GLP1R: variants seen among roughly 807,000 people sequenced by gnomAD.
GLP1R encodes the protein glucagon-like peptide 1 receptor.
In GLP1R, 32 loss-of-function variants were observed where a neutral mutation model predicts 68.4. The observed-to-expected ratio is 0.47, with a 90% CI of 0.35 to 0.63. GLP1R has a LOEUF of 0.63. Ranked by LOEUF, GLP1R falls within the 20% of genes least tolerant of loss-of-function variation. The pLI, the probability that GLP1R is intolerant of heterozygous loss-of-function variation, is 0.00. For synonymous variants in GLP1R, 263 were observed against 244.4 expected (o/e 1.08, Z -0.71); for missense variants, 502 against 594.9 (o/e 0.84, Z 1.62).
At chr6:39,054,638 G>T (rs964771966) in intron 1 of GLP1R, among the ~76,000 whole-genome samples, 2 of 152,324 alleles carry the variant, frequency 1.3e-5, no homozygotes, top group African/African-American at 4.8e-5. Flanking sequence ...CCTCTGGGAA[G>T]AACTGGCTTC....
chr6:39,059,329 G>A (rs1005939910), intron 3 of GLP1R, among the ~76,000 whole-genome samples: 3 of 152,244 alleles, frequency 2.0e-5, no homozygotes, highest in African/African-American at 7.2e-5. Context: ...CCATTAGTGG[G>A]CGACCCAGAA....
At chr6:39,073,911 C>A in intron 7 of GLP1R, 142 bp downstream of exon 7, 1 of 691,088 alleles carries the variant, frequency 1.4e-6, no homozygotes, top group Non-Finnish European at 2.5e-6. Flanking sequence ...ACAGGACCTT[C>A]TGCCCCGGTG....
chr6:39,079,746 G>A lies in GLP1R; in HGVS notation c.1182+44G>A, dbSNP rs140562549. ...ACACTTGCTTGTAAAGTCCTAGAGT[G>A]GGGGTGGGACAGACACCAGCCTGCA... On this transcript the variant is annotated intron_variant, in intron 11 of 12. Coordinates refer to ENST00000373256, the MANE Select transcript of GLP1R (RefSeq NM_002062.5). This position sits in a 1 kb window ranked among gnomAD's most constrained non-coding sequence, Gnocchi z 4.5. 1.9e-6 allele frequency: 3 copies of A among 1,562,984 alleles called. No individual in the cohort carries two copies. The highest frequency in any genetic ancestry group is 2.7e-5 in the African/African-American group (2 of 73,826).
rs199778900 is a variant in GLP1R at position 39,048,803 on chromosome 6, G to T, written c.-38G>T. On this transcript the variant is annotated 5_prime_UTR_variant, in exon 1 of 13. Transcript: ENST00000373256. ...GGGATCAGTCTCCGCACGCGGTTCC[G>T]CAGGTGGCAGCGATGGCCCAGTCCT... 3.0e-6 allele frequency: 3 copies of T among 1,013,128 alleles called. No homozygotes were observed. The highest frequency in any genetic ancestry group is 4.4e-6 in the Non-Finnish European group (3 of 686,128). The allele number at this position is 1,013,128 out of a possible 1,614,324, so 62.8% of individuals were successfully genotyped here. A position where few individuals can be genotyped will look rare whatever the true frequency, so the allele number is the denominator to read the frequency against.
intron 3 of GLP1R, among the ~76,000 whole-genome samples, chr6:39,063,683 C>T (rs1474773229): frequency 6.6e-6 from 1 of 152,082 alleles, no homozygotes; most frequent in East Asian, 1.9e-4. Flanking sequence ...AGCAGGGAGG[C>T]TGTCCTGGTG....
intron 6 of GLP1R, 24 bp from the exon 7 acceptor site, chr6:39,073,586 A>G: frequency 6.2e-7 from 1 of 1,610,534 alleles, no homozygotes; most frequent in Non-Finnish European, 8.5e-7. Context: ...TGTTGTCCCC[A>G]TGACACCCTT....
intron 5 of GLP1R, among the ~76,000 whole-genome samples, chr6:39,068,688 T>G (rs946634216): frequency 2.0e-5 from 3 of 152,216 alleles, no homozygotes; most frequent in Admixed American, 6.5e-5. Flanking sequence ...TGGGCCCACT[T>G]GAGCCGCAGC....
intron 5 of GLP1R, among the ~76,000 whole-genome samples, chr6:39,068,904 T>C (rs1768587979): frequency 6.6e-6 from 1 of 152,272 alleles, no homozygotes; most frequent in African/African-American, 2.4e-5. Context: ...TTTTATTAAA[T>C]GTTCACTTGG....
In GLP1R at chr6:39,079,302, T is replaced by C; in HGVS notation, c.1043+102T>C. The C allele has an allele frequency of 1.1e-6, 1 of 939,776 alleles. No individual in the cohort carries two copies. The highest frequency in any genetic ancestry group is 1.7e-6 in the Non-Finnish European group (1 of 580,884). 58.2% of individuals were successfully genotyped at this position (939,776 alleles called of 1,614,324 possible). Reference sequence around the variant, plus strand: ...TCCTGGGATGCTTAGCTTAGAGCCCTACACTACCCTCTCCTTCCACCCAGG... The same window carrying C: ...TCCTGGGATGCTTAGCTTAGAGCCCCACACTACCCTCTCCTTCCACCCAGG... On this transcript the variant is annotated intron_variant, in intron 10 of 12. Transcript: ENST00000373256. The surrounding 1 kb of genome is among the most constrained non-coding windows in gnomAD (Gnocchi z 4.5).
chr6:39,080,788 A>G (rs1294533117), intron 12 of GLP1R, 49 bp downstream of exon 12: 2 of 1,261,150 alleles, frequency 1.6e-6, no homozygotes, highest in Admixed American at 1.9e-5. Context: ...GGGTACCATC[A>G]GCCCGTCTGG....
intron 3 of GLP1R, among the ~76,000 whole-genome samples, chr6:39,065,083 C>A (rs1768467521): frequency 6.6e-6 from 1 of 152,166 alleles, no homozygotes. Flanking sequence ...CCTTTTAGAC[C>A]AGGGGGTCCT....
chr6:39,073,065 G>C (rs756061440), intron 6 of GLP1R, 50 bp downstream of exon 6: 3 of 1,555,588 alleles, frequency 1.9e-6, no homozygotes, highest in Non-Finnish European at 2.6e-6. Context: ...GGTTGGAGGA[G>C]GCCTGCCTCT....
chr6:39,056,428 A>G lies in GLP1R; in HGVS notation c.110A>G (p.Gln37Arg). 6.2e-7 allele frequency: 1 copy of G among 1,609,752 alleles called. No individual in the cohort carries two copies. Among genetic ancestry groups the G allele is most frequent in the Non-Finnish European group, 8.5e-7 (1 of 1,176,036 alleles). ...ACTGTGTCCCTCTGGGAGACGGTGC[A>G]GAAATGGCGAGAATACCGACGCCAG... ...GATVSLWETV[Q>R]KWREYRRQCQ... The change falls in exon 2 of 13, where the codon CAG (glutamine) becomes CGG (arginine). Residue 37 changes from glutamine (Q) to arginine (R), a missense_variant. Transcript: ENST00000373256.
chr6:39,050,286 G>T (rs193194461), intron 1 of GLP1R, among the ~76,000 whole-genome samples: 1 of 152,132 alleles, frequency 6.6e-6, no homozygotes, highest in Admixed American at 6.5e-5. Flanking sequence ...CTTGCCCATC[G>T]TTCCCTCCTC....
intron 12 of GLP1R, among the ~76,000 whole-genome samples, chr6:39,084,087 C>A (rs1023928023): frequency 2.6e-5 from 4 of 152,028 alleles, no homozygotes; most frequent in African/African-American, 9.7e-5. Flanking sequence ...AGCAGGACTG[C>A]AAGAGCCACG....
chr6:39,052,177 G>A (rs948392284), intron 1 of GLP1R, among the ~76,000 whole-genome samples: 2 of 152,008 alleles, frequency 1.3e-5, no homozygotes, highest in African/African-American at 4.8e-5. Context: ...GTAAGAACAT[G>A]TGTGTAGTAT....
intron 7 of GLP1R, among the ~76,000 whole-genome samples, chr6:39,074,157 G>T (rs981566680): frequency 6.6e-6 from 1 of 152,096 alleles, no homozygotes; most frequent in African/African-American, 2.4e-5. Flanking sequence ...GTGGGGAGGG[G>T]ATCAAGAGGG....
intron 3 of GLP1R, among the ~76,000 whole-genome samples, chr6:39,064,772 C>T (rs980875184): frequency 4.6e-5 from 7 of 152,204 alleles, no homozygotes; most frequent in African/African-American, 7.2e-5. Context: ...GGCAATGCCC[C>T]GCCTTGCCTC....
intron 5 of GLP1R, among the ~76,000 whole-genome samples, chr6:39,070,542 A>G (rs2150830526): frequency 1.3e-5 from 2 of 152,360 alleles, no homozygotes; most frequent in South Asian, 4.1e-4. Flanking sequence ...GTTGTTCTTC[A>G]CAGTGGTCAC....
Sources: allele counts gnomAD v4.1 joint callset (sites outside exome capture counted in the v4.1 genomes callset), GRCh38; gene constraint gnomAD v4.1.1; non-coding constraint Gnocchi (gnomAD v3.1); transcripts MANE v1.5; gene names NCBI Gene and HGNC (gene_info 2026-07-23, HGNC 2026-07-21).